ZDHHC17: variants seen among roughly 807,000 people sequenced by gnomAD.
The protein encoded by ZDHHC17 is zDHHC palmitoyltransferase 17, also known as palmitoyltransferase ZDHHC17.
A neutral mutation model predicts 90.3 loss-of-function variants in ZDHHC17; 40 were observed. The ratio of observed to expected loss-of-function variants is 0.44; its 90% CI spans 0.34 to 0.58. The LOEUF (loss-of-function observed/expected upper bound fraction) is 0.58. Ranked by LOEUF, ZDHHC17 falls within the 20% of genes least tolerant of loss-of-function variation. The probability of loss-of-function intolerance (pLI) is 0.01; values close to 1 mark genes in which losing one functional copy is unlikely to be tolerated. For missense variants in ZDHHC17, 614 were observed against 780.8 expected, an observed-to-expected ratio of 0.79 and a Z score of 2.55; for synonymous variants, 235 against 252.4, an observed-to-expected ratio of 0.93 and a Z score of 0.65.
intron 16 of ZDHHC17, 67 bp downstream of exon 16, chr12:76,849,537 T>C: frequency 1.0e-6 from 1 of 952,922 alleles, no homozygotes; most frequent in East Asian, 2.8e-5. Context: ...ACCAGACTCT[T>C]TTACTTAGTG....
chr12:76,773,932 G>C (rs1952524999), intron 1 of ZDHHC17, among the ~76,000 whole-genome samples: 1 of 151,960 alleles, frequency 6.6e-6, no homozygotes, highest in Non-Finnish European at 1.5e-5. Flanking sequence ...CTATTCTTTT[G>C]CTTAGTATAC....
chr12:76,810,711 G>A (rs938455433), intron 5 of ZDHHC17, among the ~76,000 whole-genome samples: 1 of 151,068 alleles, frequency 6.6e-6, no homozygotes, highest in African/African-American at 2.5e-5. Flanking sequence ...GAAGGGGAGG[G>A]GGGGTTATTG....
intron 1 of ZDHHC17, among the ~76,000 whole-genome samples, chr12:76,772,682 G>A (rs1226992338): frequency 6.6e-6 from 1 of 150,700 alleles, no homozygotes; most frequent in Non-Finnish European, 1.5e-5. Flanking sequence ...TTACAAGCAC[G>A]TGCCACCATG....
intron 12 of ZDHHC17, chr12:76,844,085 C>T (rs936091279): frequency 1.3e-5 from 2 of 152,144 alleles, no homozygotes; most frequent in Non-Finnish European, 2.9e-5. Flanking sequence ...TTTTAATACA[C>T]TGCTGTTCTG....
intron 1 of ZDHHC17, among the ~76,000 whole-genome samples, chr12:76,792,692 A>C (rs1952773016): frequency 6.6e-6 from 1 of 152,162 alleles, no homozygotes; most frequent in Non-Finnish European, 1.5e-5. Context: ...TCAACTAGAT[A>C]ATGTTAAGAA....
At chr12:76,834,602 C>T (rs986019186) in intron 10 of ZDHHC17, among the ~76,000 whole-genome samples, 10 of 152,110 alleles carry the variant, frequency 6.6e-5, no homozygotes, top group Non-Finnish European at 1.2e-4. Context: ...CTTCAGTTAT[C>T]CAATCACCAC....
In ZDHHC17 at chr12:76,849,547, G is replaced by A. The variant is rs1006249590; in HGVS notation, c.1760+77G>A. ...TACTAACCAGACTCTTTTACTTAGT[G>A]ATATGTAAAATAGCTTTTAAACCTT... On this transcript the variant is annotated intron_variant, in intron 16 of 16. Coordinates refer to ENST00000426126, the MANE Select transcript of ZDHHC17 (RefSeq NM_015336.4). 4.7e-6 allele frequency: 4 copies of A among 851,250 alleles called. No homozygotes were observed. The African/African-American group carries it at 5.4e-5, about 11-fold the overall frequency. 52.7% of individuals were successfully genotyped at this position (851,250 alleles called of 1,614,324 possible).
chr12:76,850,857 G>T lies in ZDHHC17; in HGVS notation c.1771G>T (p.Val591Leu). The change falls in exon 17 of 17, where the codon GTA becomes TTA. Residue 591 changes from valine (V) to leucine (L), a missense_variant. Val to Leu is a conservative substitution (Grantham distance 32, BLOSUM62 1). Around this residue, in one of 5 missense-constraint regions of ZDHHC17, gnomAD observed 111 missense variants for 179.8 expected, o/e 0.62. Coordinates refer to ENST00000426126, the MANE Select transcript of ZDHHC17 (RefSeq NM_015336.4). ...GGGTGCTGTTTTTAGCCATGGATGT[G>T]TAAGAAATATTATAGACTTCTTTGA... ...SIESPFNHGC[V>L]RNIIDFFEFR... 1 of 1,613,820 alleles carries T rather than the reference G, an allele frequency of 6.2e-7. No homozygotes were observed. Among genetic ancestry groups the T allele is most frequent in the Non-Finnish European group, 8.5e-7 (1 of 1,179,814 alleles).
At chr12:76,820,165 GT>G (rs1953146301) in intron 7 of ZDHHC17, among the ~76,000 whole-genome samples, 1 of 151,838 alleles carries the variant, frequency 6.6e-6, no homozygotes, top group Admixed American at 6.6e-5. Context: ...CCCTGAAATT[GT>G]TGAAAAAAAG....
At chr12:76,800,467 A>G (rs1459757964) in intron 2 of ZDHHC17, among the ~76,000 whole-genome samples, 5 of 152,178 alleles carry the variant, frequency 3.3e-5, no homozygotes, top group African/African-American at 1.2e-4. Flanking sequence ...CTGTAGAACT[A>G]TCTGTTTCTC....
rs1047615368 is a variant in ZDHHC17 at position 76,851,120 on chromosome 12, CTT to C, written c.*141_*142del. 3 of 1,057,060 alleles carry C rather than the reference CTT, an allele frequency of 2.8e-6. No homozygotes were observed. Among genetic ancestry groups the C allele is most frequent in the Non-Finnish European group, 4.0e-6 (3 of 755,926 alleles). The allele number at this position is 1,057,060 out of a possible 1,614,324, so 65.5% of individuals were successfully genotyped here. A position where few individuals can be genotyped will look rare whatever the true frequency, so the allele number is the denominator to read the frequency against. On this transcript the variant is annotated 3_prime_UTR_variant, in exon 17 of 17. Transcript: ENST00000426126. ...TAGGGCTAATGGTGAATTTTACAGT[CTT>C]TTTTTCAACACTTTTATTAACAAAA...
intron 7 of ZDHHC17, among the ~76,000 whole-genome samples, chr12:76,816,893 T>G (rs1299022037): frequency 6.6e-6 from 1 of 152,052 alleles, no homozygotes; most frequent in South Asian, 2.1e-4. Flanking sequence ...CCATAAGAGA[T>G]TGATAAAATC....
rs1012661641 is a variant in ZDHHC17, at chr12:76,764,326, A to T, written c.90A>T (p.Pro30=). Residue 30 remains proline (P), a synonymous_variant, in exon 1 of 17, where the codon CCA becomes CCT. Coordinates refer to ENST00000426126, the MANE Select transcript of ZDHHC17 (RefSeq NM_015336.4). ...TEAGCVPLLH[P]EEIKPQSHYN... ...CGGGCTGTGTGCCCCTTCTCCACCCAGAGGTGAGGAACCGTGCTGAGTGGA... is the reference window on the plus strand; with the variant it reads ...CGGGCTGTGTGCCCCTTCTCCACCCTGAGGTGAGGAACCGTGCTGAGTGGA... 2 of 1,597,152 alleles carry T rather than the reference A, an allele frequency of 1.3e-6. No individual in the cohort carries two copies. The highest frequency in any genetic ancestry group is 1.7e-6 in the Non-Finnish European group (2 of 1,171,678).
intron 7 of ZDHHC17, among the ~76,000 whole-genome samples, chr12:76,818,028 A>G (rs2137773189): frequency 6.6e-6 from 1 of 152,136 alleles, no homozygotes; most frequent in Admixed American, 6.6e-5. Flanking sequence ...CTTTTTATTA[A>G]TGTTTTAACT....
intron 1 of ZDHHC17, among the ~76,000 whole-genome samples, chr12:76,773,151 C>T (rs1952516539): frequency 6.6e-6 from 1 of 152,194 alleles, no homozygotes; most frequent in Admixed American, 6.5e-5. Flanking sequence ...AGCCACTGCA[C>T]CCGGCGAGGT....
chr12:76,828,273 T>C, intron 9 of ZDHHC17, 117 bp from the exon 10 acceptor site: 2 of 849,542 alleles, frequency 2.4e-6, no homozygotes, highest in Non-Finnish European at 3.4e-6. Context: ...TCCTGAACTC[T>C]GGATTCTGGT....
chr12:76,805,364 A>G lies in ZDHHC17; in HGVS notation c.245A>G (p.Asp82Gly). 2 of 1,603,952 alleles carry G rather than the reference A, an allele frequency of 1.2e-6. No homozygotes were observed. The highest frequency in any genetic ancestry group is 1.7e-6 in the Non-Finnish European group (2 of 1,174,176). ...CGAGAATTGGTGGAAGCAGGTTATG[A>G]TGTACGGCAACCGGACAAAGAAAAT... ...RCRELVEAGYDVRQPDKENVT... is the reference protein window; with the variant it reads ...RCRELVEAGYGVRQPDKENVT... The change falls in exon 3 of 17, where the codon GAT (aspartate) becomes GGT (glycine). Residue 82 changes from aspartate to glycine, a missense_variant. Asp to Gly is a moderately conservative substitution (Grantham distance 94). Around this residue, in one of 5 missense-constraint regions of ZDHHC17, gnomAD observed 358 missense variants for 380.4 expected, o/e 0.94. Coordinates refer to ENST00000426126, the MANE Select transcript of ZDHHC17 (RefSeq NM_015336.4).
chr12:76,797,941 C>CCACACACA lies in ZDHHC17; in HGVS notation c.197+434_197+441dup, dbSNP rs60610921. On this transcript the variant is annotated intron_variant, in intron 2 of 16. Transcript: ENST00000426126. ...CCTAGGCAACAAGAGTGAAACTCTGCCACACACACACACACACACACACAC... is the reference window on the plus strand; with the variant it reads ...CCTAGGCAACAAGAGTGAAACTCTGCCACACACACACACACACACACACACACACACAC... Among the ~76,000 whole-genome samples, 311 of 147,586 alleles carry CCACACACA rather than the reference C, an allele frequency of 2.1e-3. 3 individuals carry two copies. The highest frequency in any genetic ancestry group is 3.4e-3 in the Non-Finnish European group (224 of 66,748).
At chr12:76,828,259 A>G in intron 9 of ZDHHC17, 131 bp from the exon 10 acceptor site, 1 of 658,928 alleles carries the variant, frequency 1.5e-6, no homozygotes, top group Non-Finnish European at 2.3e-6. Flanking sequence ...TGAAAAATTG[A>G]GCATCCTGAA....
Sources: gnomAD v4.1 joint callset for allele counts (sites outside exome capture counted in the v4.1 genomes callset) on GRCh38, gnomAD v4.1.1 for gene constraint, gnomAD v4.1.1 regional missense constraint, MANE v1.5 for transcripts, NCBI Gene and HGNC (gene_info 2026-07-23, HGNC 2026-07-21) for gene names.